KDM2B: variants seen among roughly 807,000 people sequenced by gnomAD.
KDM2B encodes lysine-specific demethylase 2B.
In KDM2B, 26 loss-of-function variants were observed where a neutral mutation model predicts 150.0. That is an observed-to-expected ratio of 0.17 (90% CI 0.13 to 0.24). KDM2B has a LOEUF of 0.24. Among genes scored for constraint, KDM2B ranks in the 10% least tolerant of loss-of-function variants. The probability of loss-of-function intolerance (pLI) is 1.00; values close to 1 mark genes in which losing one functional copy is unlikely to be tolerated. For missense variants in KDM2B, 1,265 were observed against 1,816.9 expected (o/e 0.70, Z 5.52); for synonymous variants, 734 against 729.5 (o/e 1.01, Z -0.10).
intron 6 of KDM2B, chr12:121,535,936 G>A (rs1480809810): frequency 4.3e-6 from 2 of 460,570 alleles, no homozygotes; most frequent in African/African-American, 4.3e-5. Context: ...AGCCCCAGGT[G>A]GCACGGATGG....
At chr12:121,554,298 C>G (rs1889740260) in intron 4 of KDM2B, among the ~76,000 whole-genome samples, 1 of 151,422 alleles carries the variant, frequency 6.6e-6, no homozygotes, top group Non-Finnish European at 1.5e-5. Flanking sequence ...TTCAATGAAA[C>G]TTTTTACTTT....
At chr12:121,517,983 C>T (rs1329964863) in intron 9 of KDM2B, among the ~76,000 whole-genome samples, 1 of 151,464 alleles carries the variant, frequency 6.6e-6, no homozygotes, top group Non-Finnish European at 1.5e-5. Context: ...ACCTTTGCCT[C>T]CCGGGTTCAA....
chr12:121,574,462 A>G lies in KDM2B; in HGVS notation c.397+85T>C, dbSNP rs182706709. On this transcript the variant is annotated intron_variant, in intron 4 of 22. Transcript: ENST00000377071. ...GGGACTTTGTTTTGAGAGGCAGTTA[A>G]AAGTCTAAATGGGCAGGTGGTGACC... 13 of 1,326,112 alleles carry G rather than the reference A, an allele frequency of 9.8e-6. No individual in the cohort carries two copies. The African/African-American group carries it at 1.5e-4, about 15-fold the overall frequency. 82.1% of individuals were successfully genotyped at this position (1,326,112 alleles called of 1,614,324 possible). A position where few individuals can be genotyped will look rare whatever the true frequency, so the allele number is the denominator to read the frequency against.
At chr12:121,531,910 T>C (rs1471422167) in intron 8 of KDM2B, among the ~76,000 whole-genome samples, 1 of 152,042 alleles carries the variant, frequency 6.6e-6, no homozygotes, top group Non-Finnish European at 1.5e-5. Flanking sequence ...CGGGACAACA[T>C]GGCAAAACCC....
At position 121,429,889 on chromosome 12, in the gene KDM2B, GTGTGGTCCACTT is replaced by G. The variant is rs1189745271; in HGVS notation, c.*387_*398del. The G allele has an allele frequency of 1.7e-5, 10 of 598,140 alleles. No homozygotes were observed. Among genetic ancestry groups the G allele is most frequent in the Non-Finnish European group, 1.8e-5 (6 of 333,792 alleles). 37.1% of individuals were successfully genotyped at this position (598,140 alleles called of 1,614,324 possible). ...GTGTCAAGACGGCAGCAGATGTGGT[GTGTGGTCCACTT>G]TATGTCAACACCCAAAACCTCGGTG... On this transcript the variant is annotated 3_prime_UTR_variant, in exon 23 of 23. Transcript: ENST00000377071.
chr12:121,502,616 G>T (rs1444364915), intron 11 of KDM2B, among the ~76,000 whole-genome samples: 1 of 150,432 alleles, frequency 6.6e-6, no homozygotes, highest in Non-Finnish European at 1.5e-5. Context: ...GAGAGACTCG[G>T]ACTCAAAAAA....
In KDM2B at chr12:121,440,992, A is replaced by G; in HGVS notation, c.3449-15T>C. On this transcript the variant is annotated splice_polypyrimidine_tract_variant and intron_variant, in intron 20 of 22. Transcript: ENST00000377071. ...GTCCCGGAGCCCTGGGGGGACATAG[A>G]AAAGGGTGAAGGTCAGGGGATGTGT... The G allele has an allele frequency of 1.2e-6, 2 of 1,613,018 alleles. No individual in the cohort carries two copies. The highest frequency in any genetic ancestry group is 1.7e-4 in the Middle Eastern group (1 of 6,056).
In KDM2B at chr12:121,479,853, C is replaced by T. The variant is rs531485558; in HGVS notation, c.1734+14726G>A. 1.9e-4 allele frequency among the ~76,000 whole-genome samples: 29 copies of T among 152,162 alleles called. No homozygotes were observed. The East Asian group carries it at 2.1e-3, about 11-fold the overall frequency. ...GCCAAGCTGGTCTTGAACTCCTGACCTCAAGTGAGGCACCAGCCTCGGCCT... is the reference window on the plus strand; with the variant it reads ...GCCAAGCTGGTCTTGAACTCCTGACTTCAAGTGAGGCACCAGCCTCGGCCT... On this transcript the variant is annotated intron_variant, in intron 12 of 22. Transcript: ENST00000377071.
chr12:121,558,532 C>T (rs1890078216), intron 4 of KDM2B, among the ~76,000 whole-genome samples: 1 of 150,764 alleles, frequency 6.6e-6, no homozygotes, highest in Non-Finnish European at 1.5e-5. Context: ...CGGCTCACTG[C>T]AGCCTCCGCC....
At chr12:121,445,133 C>A in intron 14 of KDM2B, 142 bp downstream of exon 14, 1 of 979,956 alleles carries the variant, frequency 1.0e-6, no homozygotes, top group Non-Finnish European at 1.5e-6. Context: ...CCGGGCTTAT[C>A]CCTTGACACA....
downstream of KDM2B, among the ~76,000 whole-genome samples, chr12:121,426,620 ATTTT>A (rs34070273): frequency 0.099 from 11,230 of 113,400 alleles, 567 homozygotes; most frequent in South Asian, 0.24. Flanking sequence ...ATTTTAAACA[ATTTT>A]TTTTTTTTTT....
intron 12 of KDM2B, among the ~76,000 whole-genome samples, chr12:121,485,530 G>A (rs557051742): frequency 1.3e-5 from 2 of 151,996 alleles, no homozygotes; most frequent in East Asian, 3.9e-4. Context: ...GAGACCTTCA[G>A]CAATAGCCTC....
chr12:121,513,557 G>C lies in KDM2B; in HGVS notation c.1048-155C>G, dbSNP rs1885772041. 6.6e-6 allele frequency among the ~76,000 whole-genome samples: 1 copy of C among 152,170 alleles called. No individual in the cohort carries two copies. The highest frequency in any genetic ancestry group is 2.1e-4 in the South Asian group (1 of 4,824). ...TCGGGGGAGAAATGGTGGGGTGCTG[G>C]AAGGGAGATGCCGGCAGCATGCACA... On this transcript the variant is annotated intron_variant, in intron 9 of 22. Transcript: ENST00000377071. The surrounding 1 kb of genome is among the most constrained non-coding windows in gnomAD (Gnocchi z 5.0).
At chr12:121,496,686 C>T (rs1228005150) in intron 11 of KDM2B, among the ~76,000 whole-genome samples, 2 of 152,080 alleles carry the variant, frequency 1.3e-5, no homozygotes, top group Non-Finnish European at 2.9e-5. Flanking sequence ...CAGATGGGTT[C>T]TCACCATGTT....
rs782246246 is a variant in KDM2B at position 121,494,507 on chromosome 12, C to G, written c.1734+72G>C. The stretch of plus-strand genomic sequence containing the variant: ...GGCCCCATAGCTACCCAAAAAGTCG[C>G]GGCTGTTCACCCTACAGGAGGTGGG... On this transcript the variant is annotated intron_variant, in intron 12 of 22. Coordinates refer to ENST00000377071, the MANE Select transcript of KDM2B (RefSeq NM_032590.5). 5.9e-6 allele frequency: 7 copies of G among 1,194,134 alleles called. No homozygotes were observed. In the Admixed American group the frequency reaches 5.9e-5, roughly 10 times the overall value. 74.0% of individuals were successfully genotyped at this position (1,194,134 alleles called of 1,614,324 possible).
At chr12:121,412,561 T>C in the KDM2B span, among the ~76,000 whole-genome samples, 2 of 151,822 alleles carry the variant, frequency 1.3e-5, no homozygotes, top group Non-Finnish European at 2.9e-5. Context: ...GTGTTTTTAG[T>C]AGAGATGGGG....
At chr12:121,414,942 A>G in the KDM2B span, among the ~76,000 whole-genome samples, 1 of 152,302 alleles carries the variant, frequency 6.6e-6, no homozygotes, top group East Asian at 1.9e-4. Context: ...CAAAACTACA[A>G]AAAATTAGCT....
At chr12:121,579,029 G>A in intron 1 of KDM2B, 83 bp from the exon 2 acceptor site, 1 of 1,463,750 alleles carries the variant, frequency 6.8e-7, no homozygotes, top group Non-Finnish European at 9.3e-7. Context: ...GCACTAACAG[G>A]TGCAGCAGCC....
chr12:121,414,852 G>A, the KDM2B span, among the ~76,000 whole-genome samples: 59 of 152,298 alleles, frequency 3.9e-4, no homozygotes, highest in South Asian at 9.9e-3. Context: ...CCAGCACTTC[G>A]GGAGGCCGAG....
Sources: allele counts gnomAD v4.1 joint callset (sites outside exome capture counted in the v4.1 genomes callset), GRCh38; gene constraint gnomAD v4.1.1; non-coding constraint Gnocchi (gnomAD v3.1); transcripts MANE v1.5; gene names NCBI Gene and HGNC (gene_info 2026-07-23, HGNC 2026-07-21).